The following THSD7B variants were observed in gnomAD, a reference collection of about 807,000 sequenced individuals.
THSD7B encodes thrombospondin type 1 domain containing 7B.
A neutral mutation model predicts 213.6 loss-of-function variants in THSD7B; 138 were observed. The observed-to-expected ratio is 0.65, with a 90% CI of 0.56 to 0.74. The LOEUF (loss-of-function observed/expected upper bound fraction) is 0.74, where lower values mean the gene tolerates loss of function less well. Among genes scored for constraint, THSD7B ranks in the 30% least tolerant of loss-of-function variants. The pLI is 0.00. For synonymous variants in THSD7B, 742 were observed against 687.0 expected (o/e 1.08, Z -1.25); for missense variants, 1,931 against 1,991.5 (o/e 0.97, Z 0.58).
chr2:136,953,162 C>T (rs1025122054), intron 2 of THSD7B, among the ~76,000 whole-genome samples: 2 of 152,150 alleles, frequency 1.3e-5, no homozygotes, highest in South Asian at 2.1e-4. Context: ...AACATAGTCA[C>T]AGCCTTCACT....
chr2:136,912,646 G>A (rs1218599716), intron 2 of THSD7B, among the ~76,000 whole-genome samples: 3 of 152,124 alleles, frequency 2.0e-5, no homozygotes, highest in Non-Finnish European at 4.4e-5. Flanking sequence ...TGGATTATGG[G>A]GGCCAGTTTT....
chr2:137,622,203 TA>T (rs1472801721), intron 20 of THSD7B, among the ~76,000 whole-genome samples: 1 of 152,164 alleles, frequency 6.6e-6, no homozygotes, highest in African/African-American at 2.4e-5. Context: ...CAGGTGAATC[TA>T]AAAACTCATG....
intron 14 of THSD7B, among the ~76,000 whole-genome samples, chr2:137,443,720 C>T (rs890753824): frequency 1.1e-4 from 17 of 151,974 alleles, no homozygotes; most frequent in African/African-American, 3.9e-4. Context: ...TTGAATAGCT[C>T]ATCTACATCC....
At chr2:137,397,875 C>T (rs1458555313) in intron 12 of THSD7B, among the ~76,000 whole-genome samples, 1 of 84,170 alleles carries the variant, frequency 1.2e-5, no homozygotes, top group East Asian at 3.9e-4. Context: ...TCTTTTTATT[C>T]TTTTTTCTCT....
At chr2:137,310,875 G>T (rs1298105124) in intron 12 of THSD7B, among the ~76,000 whole-genome samples, 1 of 151,968 alleles carries the variant, frequency 6.6e-6, no homozygotes, top group Non-Finnish European at 1.5e-5. Flanking sequence ...TCTCTGTTTT[G>T]GTACCAGTAC....
chr2:137,242,398 C>G, intron 9 of THSD7B, 59 bp from the exon 10 acceptor site: 1 of 1,327,064 alleles, frequency 7.5e-7, no homozygotes, highest in Non-Finnish European at 1.1e-6. Context: ...TCCTATAGTT[C>G]TGCGTTCAAC....
At chr2:137,504,631 C>G (rs1416675194) in intron 15 of THSD7B, among the ~76,000 whole-genome samples, 1 of 152,162 alleles carries the variant, frequency 6.6e-6, no homozygotes, top group Non-Finnish European at 1.5e-5. Context: ...GTAGACTGTT[C>G]ATTATTTGTC....
intron 15 of THSD7B, among the ~76,000 whole-genome samples, chr2:137,455,503 T>C (rs1687745767): frequency 6.6e-6 from 1 of 152,212 alleles, no homozygotes; most frequent in East Asian, 1.9e-4. Flanking sequence ...AATCTGTTAG[T>C]GAAATCAATA....
Position 137,653,785 on chromosome 2 carries a change from C to A in THSD7B, c.3946-1716C>A, listed in dbSNP as rs1247652219. On this transcript the variant is annotated intron_variant, in intron 21 of 27. Transcript: ENST00000409968. Reference sequence around the variant, plus strand: ...TATTTTTTAAAATTATTATTTCAAACTGTTTAATTTCTCTGATAAATTTCT... The same window carrying A: ...TATTTTTTAAAATTATTATTTCAAAATGTTTAATTTCTCTGATAAATTTCT... 2.6e-5 allele frequency among the ~76,000 whole-genome samples: 4 copies of A among 151,718 alleles called. No individual in the cohort carries two copies. In the East Asian group the frequency reaches 7.7e-4, roughly 29 times the overall value.
At chr2:137,600,845 T>G (rs1682063409) in intron 17 of THSD7B, among the ~76,000 whole-genome samples, 1 of 152,222 alleles carries the variant, frequency 6.6e-6, no homozygotes, top group African/African-American at 2.4e-5. Flanking sequence ...GATAGCTCTA[T>G]GCATGTTATT....
In THSD7B at chr2:137,252,200, G is replaced by A. The variant is rs575777241; in HGVS notation, c.2266+9628G>A. Reference sequence around the variant, plus strand: ...GAGAATCGCTTGAACCCGGGAGGCAGAGGTTGCAGTGAGCTGAAATCATGC... The same window carrying A: ...GAGAATCGCTTGAACCCGGGAGGCAAAGGTTGCAGTGAGCTGAAATCATGC... On this transcript the variant is annotated intron_variant, in intron 10 of 27. Transcript: ENST00000409968. Among the ~76,000 whole-genome samples the A allele has an allele frequency of 2.8e-5, 4 of 144,584 alleles. No homozygotes were observed. In the South Asian group the frequency reaches 8.9e-4, roughly 32 times the overall value. The allele number at this position is 144,584 out of a possible 152,430, so 94.9% of individuals were successfully genotyped here. A position where few individuals can be genotyped will look rare whatever the true frequency, so the allele number is the denominator to read the frequency against.
chr2:136,833,433 A>ATTTTT (rs56778387), intron 1 of THSD7B, among the ~76,000 whole-genome samples: 49,849 of 111,350 alleles, frequency 0.45, 11,679 homozygotes, highest in South Asian at 0.52. Context: ...ATTATTTTCT[A>ATTTTT]TTTTTTTTTT....
At chr2:137,309,897 G>A (rs1683851988) in intron 12 of THSD7B, among the ~76,000 whole-genome samples, 2 of 151,944 alleles carry the variant, frequency 1.3e-5, no homozygotes, top group East Asian at 1.9e-4. Flanking sequence ...TTCTTAATCT[G>A]GTCTATCATT....
At chr2:137,288,458 G>A (rs1293691233) in intron 12 of THSD7B, among the ~76,000 whole-genome samples, 1 of 152,126 alleles carries the variant, frequency 6.6e-6, no homozygotes, top group Non-Finnish European at 1.5e-5. Context: ...CTGAAAATGG[G>A]AAAGCAGGGG....
intron 17 of THSD7B, among the ~76,000 whole-genome samples, chr2:137,581,199 A>G (rs920008792): frequency 2.0e-5 from 3 of 152,194 alleles, no homozygotes; most frequent in Admixed American, 6.5e-5. Flanking sequence ...GCTTTTTATT[A>G]TTGCTGATAT....
At chr2:137,656,197 G>A (rs1683233529) in intron 22 of THSD7B, among the ~76,000 whole-genome samples, 2 of 152,026 alleles carry the variant, frequency 1.3e-5, no homozygotes, top group East Asian at 1.9e-4. Context: ...AGTTTGTATG[G>A]CATAAGTTCA....
chr2:136,934,146 C>A (rs1336346621), intron 2 of THSD7B, among the ~76,000 whole-genome samples: 1 of 152,140 alleles, frequency 6.6e-6, no homozygotes, highest in Non-Finnish European at 1.5e-5. Context: ...AACCTTTTAT[C>A]TAACTCCTCT....
intron 1 of THSD7B, among the ~76,000 whole-genome samples, chr2:136,800,111 T>C (rs1282864121): frequency 1.3e-5 from 2 of 152,024 alleles, no homozygotes; most frequent in African/African-American, 2.4e-5. Context: ...TATTATAATT[T>C]AAAGAAACGC....
intron 2 of THSD7B, among the ~76,000 whole-genome samples, chr2:137,027,159 A>G (rs1686570678): frequency 1.3e-5 from 2 of 152,190 alleles, no homozygotes; most frequent in South Asian, 4.1e-4. Context: ...TGGTGGCACC[A>G]AAATCAAGCC....
Sources: allele counts gnomAD v4.1 joint callset (sites outside exome capture counted in the v4.1 genomes callset), GRCh38; gene constraint gnomAD v4.1.1; transcripts MANE v1.5; gene names NCBI Gene and HGNC (gene_info 2026-07-23, HGNC 2026-07-21).